The following MYO5A variants were observed in gnomAD, a reference collection of about 807,000 sequenced individuals.
The protein encoded by MYO5A is unconventional myosin-Va.
In MYO5A, 98 loss-of-function variants were observed where a neutral mutation model predicts 249.7. That is an observed-to-expected ratio of 0.39 (90% CI 0.33 to 0.46). The LOEUF is 0.46. MYO5A is among the 20% of genes least tolerant of loss of function. MYO5A has a pLI of 0.98. For synonymous variants in MYO5A, 778 were observed against 810.6 expected (o/e 0.96, Z 0.68); for missense variants, 1,696 against 2,308.8 (o/e 0.73, Z 5.44).
chr15:52,398,490 T>A (rs182171451), intron 9 of MYO5A, among the ~76,000 whole-genome samples: 1 of 152,290 alleles, frequency 6.6e-6, no homozygotes, highest in East Asian at 1.9e-4. Context: ...AAAAATCAGC[T>A]GGCAATTGAT....
chr15:52,448,066 G>A (rs2075931597), intron 1 of MYO5A, among the ~76,000 whole-genome samples: 1 of 152,192 alleles, frequency 6.6e-6, no homozygotes, highest in African/African-American at 2.4e-5. Flanking sequence ...ACCCCAGAAT[G>A]GTAGACAGTG....
chr15:52,336,330 G>T, intron 34 of MYO5A, 133 bp downstream of exon 34: 1 of 649,530 alleles, frequency 1.5e-6, no homozygotes. Flanking sequence ...GGTTAGGTTT[G>T]CCAAAAGTCA....
At chr15:52,372,886 G>A (rs960113665) in intron 20 of MYO5A, among the ~76,000 whole-genome samples, 5 of 152,088 alleles carry the variant, frequency 3.3e-5, no homozygotes, top group East Asian at 3.9e-4. Context: ...ATGAGGACAC[G>A]GGGTATGGGC....
intron 1 of MYO5A, among the ~76,000 whole-genome samples, chr15:52,435,039 T>C (rs1044166621): frequency 1.2e-4 from 18 of 152,198 alleles, no homozygotes; most frequent in African/African-American, 3.4e-4. Context: ...ACTGTGATAA[T>C]GTAATGACTA....
In MYO5A at chr15:52,379,193, CCT is replaced by C. The variant is rs149491358; in HGVS notation, c.2208+430_2208+431del. On this transcript the variant is annotated intron_variant, in intron 18 of 41. Coordinates refer to ENST00000399233, the MANE Select transcript of MYO5A (RefSeq NM_001382347.1). The stretch of plus-strand genomic sequence containing the variant: ...ATAGCTGGACGTCGCTTTGTCATCC[CCT>C]GATTTCTTGTTCCATTCATTCAGCA... Among the ~76,000 whole-genome samples the C allele has an allele frequency of 4.5e-3, 690 of 152,260 alleles. 12 individuals carry two copies. The East Asian group carries it at 0.057, about 13-fold the overall frequency.
At chr15:52,382,069 A>G (rs2041769724) in intron 16 of MYO5A, among the ~76,000 whole-genome samples, 1 of 151,916 alleles carries the variant, frequency 6.6e-6, no homozygotes, top group South Asian at 2.1e-4. Flanking sequence ...CACCCGGCTA[A>G]TTTTTGTACT....
At chr15:52,362,951 G>A in intron 24 of MYO5A, among the ~76,000 whole-genome samples, 1 of 152,194 alleles carries the variant, frequency 6.6e-6, no homozygotes, top group East Asian at 1.9e-4. Flanking sequence ...CACCATTAAA[G>A]AATCCAAGAA....
intron 1 of MYO5A, among the ~76,000 whole-genome samples, chr15:52,514,407 A>T (rs902671464): frequency 8.5e-5 from 13 of 152,234 alleles, no homozygotes; most frequent in African/African-American, 3.1e-4. Flanking sequence ...AAGGGTTAGG[A>T]CAGAAGTAAA....
At chr15:52,337,730 A>G in intron 33 of MYO5A, 80 bp downstream of exon 33, 1 of 1,025,348 alleles carries the variant, frequency 9.8e-7, no homozygotes, top group Non-Finnish European at 1.4e-6. Context: ...GGGAGGGGGC[A>G]GGCAGCAGTG....
At chr15:52,498,052 T>C (rs1249935907) in intron 1 of MYO5A, among the ~76,000 whole-genome samples, 2 of 151,598 alleles carry the variant, frequency 1.3e-5, no homozygotes, top group Non-Finnish European at 2.9e-5. Context: ...ACAAAAAGAA[T>C]AGCAAATTAA....
At chr15:52,347,774 ATCTT>A (rs576912591) in intron 29 of MYO5A, among the ~76,000 whole-genome samples, 69 of 152,330 alleles carry the variant, frequency 4.5e-4, no homozygotes, top group African/African-American at 7.0e-4. Context: ...AATTTTAAAA[ATCTT>A]TCCCATTAAA....
Position 52,494,132 on chromosome 15 carries a change from T to C in MYO5A, c.27+34648A>G, listed in dbSNP as rs1189834770. ...TACAGAGTCAAACATGTTCCCTATA[T>C]CATATGAAGGAAATACATGTTTATC... On this transcript the variant is annotated intron_variant, in intron 1 of 41. Coordinates refer to ENST00000399233, the MANE Select transcript of MYO5A (RefSeq NM_001382347.1). 2.0e-5 allele frequency among the ~76,000 whole-genome samples: 3 copies of C among 152,138 alleles called. No homozygotes were observed. In the East Asian group the frequency reaches 5.8e-4, roughly 29 times the overall value.
At chr15:52,428,899 G>C (rs1023163041) in intron 2 of MYO5A, among the ~76,000 whole-genome samples, 1 of 152,074 alleles carries the variant, frequency 6.6e-6, no homozygotes, top group Non-Finnish European at 1.5e-5. Context: ...AAAAAGTGGC[G>C]GACAATATAA....
rs2040081876 is a variant in MYO5A at position 52,354,029 on chromosome 15, T to C, written c.3424-15A>G. 1.9e-6 allele frequency: 3 copies of C among 1,614,042 alleles called. No individual in the cohort carries two copies. Among genetic ancestry groups the C allele is most frequent in the Middle Eastern group, 1.6e-4 (1 of 6,062 alleles). ...TCACTTGGTTCCTAAACCCCAGGAA[T>C]CACAAAGATGGTCAAGACAAGCCAG... On this transcript the variant is annotated splice_polypyrimidine_tract_variant and intron_variant, in intron 25 of 41. Transcript: ENST00000399233.
At chr15:52,357,446 A>G (rs2040289689) in intron 25 of MYO5A, among the ~76,000 whole-genome samples, 1 of 142,450 alleles carries the variant, frequency 7.0e-6, no homozygotes. Flanking sequence ...TGATAACTAG[A>G]ACTAGCAAAA....
At chr15:52,385,164 A>G (rs375019374) in intron 14 of MYO5A, among the ~76,000 whole-genome samples, 3 of 152,220 alleles carry the variant, frequency 2.0e-5, no homozygotes, top group Admixed American at 6.5e-5. Context: ...ATGTATGTAC[A>G]TATCTTTACA....
chr15:52,503,873 A>G (rs1389643434), intron 1 of MYO5A, among the ~76,000 whole-genome samples: 1 of 152,114 alleles, frequency 6.6e-6, no homozygotes, highest in Non-Finnish European at 1.5e-5. Flanking sequence ...TTTACCAAAC[A>G]TTTTACCATT....
In MYO5A at chr15:52,313,862, G is replaced by C. The variant is rs1486674363; in HGVS notation, c.5491-14C>G. ...TCGTAAACGCATCTGAGAAGATTAG[G>C]AAAAAAAATAAACAGAGCATCAGTT... On this transcript the variant is annotated splice_polypyrimidine_tract_variant and intron_variant, in intron 41 of 41. Transcript: ENST00000399233. 1 of 1,612,192 alleles carries C rather than the reference G, an allele frequency of 6.2e-7. No homozygotes were observed. Among genetic ancestry groups the C allele is most frequent in the Admixed American group, 1.7e-5 (1 of 59,830 alleles).
chr15:52,394,742 A>T (rs868284037), intron 11 of MYO5A, among the ~76,000 whole-genome samples: 18 of 152,362 alleles, frequency 1.2e-4, no homozygotes, highest in African/African-American at 3.8e-4. Flanking sequence ...TTGCTTCCTT[A>T]CATTCCAGTC....
Sources: gnomAD v4.1 joint callset for allele counts (sites outside exome capture counted in the v4.1 genomes callset) on GRCh38, gnomAD v4.1.1 for gene constraint, MANE v1.5 for transcripts, NCBI Gene and HGNC (gene_info 2026-07-23, HGNC 2026-07-21) for gene names.